The following NLGN1 variants were observed in gnomAD, a reference collection of about 807,000 sequenced individuals.
The protein encoded by NLGN1 is neuroligin 1.
In NLGN1, 12 loss-of-function variants were observed where a neutral mutation model predicts 65.5. That is an observed-to-expected ratio of 0.18 (90% confidence interval 0.12 to 0.30). The LOEUF is 0.30. Ranked by LOEUF, NLGN1 falls within the 10% of genes least tolerant of loss-of-function variation. The probability of loss-of-function intolerance (pLI) is 1.00; values close to 1 mark genes in which losing one functional copy is unlikely to be tolerated. For synonymous variants in NLGN1, 350 were observed against 359.5 expected (o/e 0.97, Z 0.30); for missense variants, 750 against 1,007.1 (o/e 0.74, Z 3.46).
intron 4 of NLGN1, among the ~76,000 whole-genome samples, chr3:174,017,102 GC>G (rs1726722903): frequency 6.6e-6 from 1 of 152,158 alleles, no homozygotes; most frequent in African/African-American, 2.4e-5. Context: ...TTAAATGGCT[GC>G]TAACCCCATT....
intron 3 of NLGN1, among the ~76,000 whole-genome samples, chr3:173,754,665 TAA>T (rs1276431330): frequency 6.6e-6 from 1 of 152,116 alleles, no homozygotes; most frequent in Non-Finnish European, 1.5e-5. Flanking sequence ...GGAAAATGAA[TAA>T]GAGTTCTGTC....
intron 4 of NLGN1, among the ~76,000 whole-genome samples, chr3:174,113,386 A>G (rs1715669902): frequency 1.3e-5 from 2 of 152,078 alleles, no homozygotes; most frequent in Non-Finnish European, 2.9e-5. Flanking sequence ...CAAAAAGAAT[A>G]TGATTTATTT....
chr3:173,493,243 A>G (rs1378200648), intron 2 of NLGN1, among the ~76,000 whole-genome samples: 1 of 151,790 alleles, frequency 6.6e-6, no homozygotes, highest in Non-Finnish European at 1.5e-5. Context: ...TGAGAATTCT[A>G]TCCAGGCGTG....
chr3:173,951,385 A>T (rs980739648), intron 4 of NLGN1, among the ~76,000 whole-genome samples: 4 of 152,092 alleles, frequency 2.6e-5, no homozygotes, highest in Non-Finnish European at 5.9e-5. Flanking sequence ...AATAACTCTG[A>T]AGCCACAAAT....
At chr3:174,266,235 T>A (rs980211078) in intron 4 of NLGN1, among the ~76,000 whole-genome samples, 32 of 152,022 alleles carry the variant, frequency 2.1e-4, no homozygotes, top group African/African-American at 7.7e-4. Context: ...TAGGCCCTGG[T>A]GTCTATAGTT....
chr3:173,865,743 A>G lies in NLGN1; in HGVS notation c.646+57911A>G, dbSNP rs1269479089. Among the ~76,000 whole-genome samples, 173 of 152,154 alleles carry G rather than the reference A, an allele frequency of 1.1e-3. 2 individuals carry two copies. The highest frequency in any genetic ancestry group is 5.9e-5 in the Non-Finnish European group (4 of 68,036). Reference sequence around the variant, plus strand: ...TTCTTGGAAAGGTGACCTTAAATGTAGTTATTTGACATTATTTATGCTTCA... The same window carrying G: ...TTCTTGGAAAGGTGACCTTAAATGTGGTTATTTGACATTATTTATGCTTCA... On this transcript the variant is annotated intron_variant, in intron 4 of 6. Coordinates refer to ENST00000457714, the Ensembl canonical transcript of NLGN1.
At chr3:173,626,032 T>C (rs1454934671) in intron 3 of NLGN1, among the ~76,000 whole-genome samples, 1 of 152,088 alleles carries the variant, frequency 6.6e-6, no homozygotes, top group African/African-American at 2.4e-5. Flanking sequence ...ATAATGTCCC[T>C]TCTCTGTTTA....
intron 4 of NLGN1, among the ~76,000 whole-genome samples, chr3:174,209,789 C>T (rs1451061469): frequency 6.6e-6 from 1 of 151,798 alleles, no homozygotes; most frequent in Admixed American, 6.6e-5. Context: ...CCCACCACCA[C>T]ATCCGGCTAA....
intron 4 of NLGN1, among the ~76,000 whole-genome samples, chr3:173,899,221 A>T (rs930649196): frequency 6.6e-6 from 1 of 152,126 alleles, no homozygotes; most frequent in Non-Finnish European, 1.5e-5. Flanking sequence ...AATACATTTT[A>T]AAAACCTAAA....
intron 4 of NLGN1, among the ~76,000 whole-genome samples, chr3:173,814,061 C>T (rs1350832654): frequency 6.6e-6 from 1 of 152,216 alleles, no homozygotes. Flanking sequence ...CTCCCACGGA[C>T]GACCGTGACT....
rs144997379 is a variant in NLGN1, at chr3:174,235,855, T to G, written c.647-39460T>G. Among the ~76,000 whole-genome samples the G allele has an allele frequency of 1.8e-4, 28 of 152,278 alleles. No individual in the cohort carries two copies. The East Asian group carries it at 5.4e-3, about 29-fold the overall frequency. ...AACGTGACCTAAAAAAGGCAAGAAA[T>G]AGAGTTAAGCTCTTTAAAACTCCAC... On this transcript the variant is annotated intron_variant, in intron 4 of 6. Transcript: ENST00000457714.
intron 4 of NLGN1, among the ~76,000 whole-genome samples, chr3:174,006,259 C>A (rs1724375328): frequency 1.3e-5 from 2 of 152,304 alleles, no homozygotes; most frequent in South Asian, 4.1e-4. Flanking sequence ...TATTTGTATT[C>A]TTTTCCAAAG....
At chr3:173,961,015 A>G (rs573068303) in intron 4 of NLGN1, among the ~76,000 whole-genome samples, 17 of 152,052 alleles carry the variant, frequency 1.1e-4, no homozygotes, top group Admixed American at 9.8e-4. Context: ...TTTTGCATTT[A>G]ATTTTCTTGT....
At chr3:174,122,136 A>G in intron 4 of NLGN1, among the ~76,000 whole-genome samples, 1 of 152,170 alleles carries the variant, frequency 6.6e-6, no homozygotes. Flanking sequence ...TTATAAAAAT[A>G]GATAATAGGA....
At chr3:174,234,658 A>C (rs780217473) in intron 4 of NLGN1, among the ~76,000 whole-genome samples, 9 of 152,048 alleles carry the variant, frequency 5.9e-5, no homozygotes, top group Non-Finnish European at 1.3e-4. Flanking sequence ...ATTTTAGAGA[A>C]ACAATGTAAC....
chr3:174,231,748 T>C (rs927400697), intron 4 of NLGN1, among the ~76,000 whole-genome samples: 2 of 152,170 alleles, frequency 1.3e-5, no homozygotes, highest in African/African-American at 4.8e-5. Context: ...GCCTGGCATG[T>C]TGCTCCCAAG....
chr3:173,707,084 G>A (rs1768156172), intron 3 of NLGN1, among the ~76,000 whole-genome samples: 1 of 152,122 alleles, frequency 6.6e-6, no homozygotes, highest in Non-Finnish European at 1.5e-5. Context: ...TTTGACTTAG[G>A]CGTATGTCAG....
chr3:173,670,795 G>A (rs2133285), intron 3 of NLGN1, among the ~76,000 whole-genome samples: 17,365 of 152,086 alleles, frequency 0.11, 1,034 homozygotes, highest in Middle Eastern at 0.28. Flanking sequence ...TTTATCATTA[G>A]TGTTGAGATT....
At chr3:173,835,367 C>T (rs1723419252) in intron 4 of NLGN1, among the ~76,000 whole-genome samples, 1 of 151,998 alleles carries the variant, frequency 6.6e-6, no homozygotes, top group Admixed American at 6.6e-5. Context: ...TTTTACTCTG[C>T]ACTTGATAAG....
Sources: gnomAD v4.1 joint callset for allele counts (sites outside exome capture counted in the v4.1 genomes callset) on GRCh38, gnomAD v4.1.1 for gene constraint, MANE v1.5 for transcripts, NCBI Gene and HGNC (gene_info 2026-07-23, HGNC 2026-07-21) for gene names.